The following DLG2 variants were observed in gnomAD, a reference collection of about 807,000 sequenced individuals.
DLG2 encodes discs large MAGUK scaffold protein 2.
A neutral mutation model predicts 132.5 loss-of-function variants in DLG2; 45 were observed. The observed-to-expected ratio is 0.34, with a 90% CI of 0.27 to 0.44. DLG2 has a LOEUF of 0.44. Ranked by LOEUF, DLG2 falls within the 20% of genes least tolerant of loss-of-function variation. The pLI, the probability that DLG2 is intolerant of heterozygous loss-of-function variation, is 1.00. For synonymous variants in DLG2, 424 were observed against 419.6 expected, an observed-to-expected ratio of 1.01 and a Z score of -0.13; for missense variants, 1,045 against 1,196.9, an observed-to-expected ratio of 0.87 and a Z score of 1.87.
intron 19 of DLG2, among the ~76,000 whole-genome samples, chr11:83,606,803 T>TA (rs1256150687): frequency 6.6e-6 from 1 of 152,018 alleles, no homozygotes; most frequent in African/African-American, 2.4e-5. Flanking sequence ...GGCGGGCGCC[T>TA]GTGGTCCCAG....
At chr11:84,979,860 T>C (rs1024207330) in intron 6 of DLG2, among the ~76,000 whole-genome samples, 5 of 152,030 alleles carry the variant, frequency 3.3e-5, no homozygotes, top group Non-Finnish European at 5.9e-5. Context: ...GGCTTTGTTA[T>C]TGGGTGCACA....
chr11:85,556,274 A>G (rs2076937657), intron 3 of DLG2, among the ~76,000 whole-genome samples: 1 of 151,862 alleles, frequency 6.6e-6, no homozygotes, highest in Admixed American at 6.6e-5. Flanking sequence ...GAGCCTAAGC[A>G]CCTCACTGGT....
At chr11:84,794,700 C>A (rs1324401212) in intron 6 of DLG2, among the ~76,000 whole-genome samples, 1 of 152,224 alleles carries the variant, frequency 6.6e-6, no homozygotes, top group Admixed American at 6.5e-5. Context: ...ACTCCTGGCA[C>A]CCACTTTGAT....
chr11:84,822,655 T>C (rs993044318), intron 6 of DLG2, among the ~76,000 whole-genome samples: 1 of 151,944 alleles, frequency 6.6e-6, no homozygotes, highest in African/African-American at 2.4e-5. Context: ...CTTAAGATGT[T>C]AAGATGGTAG....
At chr11:85,045,941 C>G (rs567307301) in intron 6 of DLG2, among the ~76,000 whole-genome samples, 1 of 152,130 alleles carries the variant, frequency 6.6e-6, no homozygotes, top group Non-Finnish European at 1.5e-5. Flanking sequence ...CTGAAAAATA[C>G]GTCTCTAAAC....
chr11:83,545,937 G>A (rs570137810), intron 19 of DLG2, among the ~76,000 whole-genome samples: 1 of 152,266 alleles, frequency 6.6e-6, no homozygotes, highest in South Asian at 2.1e-4. Flanking sequence ...GCGATAAGCT[G>A]TTTTTAATTT....
chr11:85,559,884 G>A (rs1450691550), intron 3 of DLG2, among the ~76,000 whole-genome samples: 1 of 151,510 alleles, frequency 6.6e-6, no homozygotes, highest in Non-Finnish European at 1.5e-5. Context: ...GGTGTAAAGT[G>A]TGTTAATCAG....
At chr11:84,819,157 A>C (rs2077408668) in intron 6 of DLG2, among the ~76,000 whole-genome samples, 1 of 151,804 alleles carries the variant, frequency 6.6e-6, no homozygotes, top group Admixed American at 6.6e-5. Context: ...AGAGAACAGA[A>C]GAAAGCCTCT....
intron 19 of DLG2, among the ~76,000 whole-genome samples, chr11:83,623,019 G>A (rs2061872397): frequency 6.6e-6 from 1 of 152,154 alleles, no homozygotes; most frequent in Non-Finnish European, 1.5e-5. Context: ...TGTCAATGGG[G>A]TGTTGAAGTC....
chr11:85,151,258 G>T (rs1193501357), intron 5 of DLG2, among the ~76,000 whole-genome samples: 1 of 152,020 alleles, frequency 6.6e-6, no homozygotes, highest in Non-Finnish European at 1.5e-5. Context: ...ATATATTCTG[G>T]ATATAAAGCT....
rs185738564 is a variant in DLG2 at position 85,198,469 on chromosome 11, T to C, written c.187-43818A>G. 5.7e-4 allele frequency among the ~76,000 whole-genome samples: 87 copies of C among 152,262 alleles called. 1 individual carries two copies. Among genetic ancestry groups the C allele is most frequent in the African/African-American group, 2.1e-3 (86 of 41,576 alleles). ...CAACCCAGACATTACTTATAAATTG[T>C]TTCTAGAACTAAATCAATTTATATA... On this transcript the variant is annotated intron_variant, in intron 4 of 27. Transcript: ENST00000376104.
At chr11:84,023,687 A>C (rs1247699333) in intron 11 of DLG2, among the ~76,000 whole-genome samples, 1 of 152,176 alleles carries the variant, frequency 6.6e-6, no homozygotes, top group African/African-American at 2.4e-5. Context: ...TGAACTGCAT[A>C]GCCTAGAAAT....
chr11:83,708,396 C>T lies in DLG2; in HGVS notation c.1826-75071G>A, dbSNP rs530889420. 2.6e-5 allele frequency among the ~76,000 whole-genome samples: 4 copies of T among 152,122 alleles called. No homozygotes were observed. In the South Asian group the frequency reaches 8.3e-4, roughly 32 times the overall value. On this transcript the variant is annotated intron_variant, in intron 18 of 27. Transcript: ENST00000376104. The stretch of plus-strand genomic sequence containing the variant: ...AAATAGAAAAATATAATATACGTTG[C>T]TATTTAATACCTGACAGGGAGAAAG...
At chr11:84,158,015 T>C (rs1036339708) in intron 9 of DLG2, among the ~76,000 whole-genome samples, 3 of 152,066 alleles carry the variant, frequency 2.0e-5, no homozygotes, top group Non-Finnish European at 4.4e-5. Flanking sequence ...GTGGAAGAAA[T>C]AGATTTTATT....
intron 6 of DLG2, among the ~76,000 whole-genome samples, chr11:84,792,605 C>T (rs1198410657): frequency 6.6e-6 from 1 of 151,836 alleles, no homozygotes; most frequent in African/African-American, 2.4e-5. Flanking sequence ...TGTTACTTGT[C>T]ATTGCTCTGT....
intron 7 of DLG2, among the ~76,000 whole-genome samples, chr11:84,396,904 G>A (rs2098812949): frequency 6.6e-6 from 1 of 152,156 alleles, no homozygotes; most frequent in Non-Finnish European, 1.5e-5. Context: ...TCTGAGAATA[G>A]CTTAAGGTTT....
At chr11:83,625,697 T>A (rs997698072) in intron 19 of DLG2, among the ~76,000 whole-genome samples, 51 of 152,164 alleles carry the variant, frequency 3.4e-4, no homozygotes, top group African/African-American at 1.2e-3. Context: ...CACTAAGAGG[T>A]TATGGGCTGT....
At chr11:84,317,312 G>T in intron 7 of DLG2, 1 of 1,435,340 alleles carries the variant, frequency 7.0e-7, no homozygotes, top group South Asian at 1.5e-5. Flanking sequence ...TGGGAGCAGC[G>T]ACAGCAGCTC....
At chr11:83,935,700 T>G (rs1340491054) in intron 14 of DLG2, among the ~76,000 whole-genome samples, 1 of 152,160 alleles carries the variant, frequency 6.6e-6, no homozygotes, top group Non-Finnish European at 1.5e-5. Context: ...CTTACAAATC[T>G]TAGCTTTCTC....
Sources: gnomAD v4.1 joint callset for allele counts (sites outside exome capture counted in the v4.1 genomes callset) on GRCh38, gnomAD v4.1.1 for gene constraint, MANE v1.5 for transcripts, NCBI Gene and HGNC (gene_info 2026-07-23, HGNC 2026-07-21) for gene names.